Variants in AFF1 observed in about 807,000 individuals in gnomAD.
AFF1 encodes ALF transcription elongation factor 1.
A neutral mutation model predicts 121.7 loss-of-function variants in AFF1; 48 were observed. The ratio of observed to expected loss-of-function variants is 0.39; its 90% CI spans 0.31 to 0.50. The LOEUF (loss-of-function observed/expected upper bound fraction) is 0.50. AFF1 is among the 20% of genes least tolerant of loss of function. The pLI is 0.76. For missense variants in AFF1, 1,523 were observed against 1,511.7 expected, an observed-to-expected ratio of 1.01 and a Z score of -0.12; for synonymous variants, 613 against 563.0, an observed-to-expected ratio of 1.09 and a Z score of -1.26.
At chr4:87,080,314 C>T (rs180973013) in intron 4 of AFF1, among the ~76,000 whole-genome samples, 39 of 152,320 alleles carry the variant, frequency 2.6e-4, no homozygotes, top group African/African-American at 8.4e-4. Flanking sequence ...TTTCTTGATT[C>T]ATGCAACTAT....
rs1291933660 is a variant in AFF1 at position 87,105,618 on chromosome 4, C to T, written c.1284-10C>T. The T allele has an allele frequency of 6.2e-7, 1 of 1,614,126 alleles. No homozygotes were observed. The highest frequency in any genetic ancestry group is 2.2e-5 in the East Asian group (1 of 44,892). ...ACATTCATTCTTCTCTGTGTCCCTGCCCATTCCAGCATGCTCGAAGACGAC... is the reference window on the plus strand; with the variant it reads ...ACATTCATTCTTCTCTGTGTCCCTGTCCATTCCAGCATGCTCGAAGACGAC... On this transcript the variant is annotated splice_polypyrimidine_tract_variant and intron_variant, in intron 8 of 20. Coordinates refer to ENST00000395146, the MANE Select transcript of AFF1 (RefSeq NM_001166693.3).
intron 6 of AFF1, among the ~76,000 whole-genome samples, 191 bp downstream of exon 6, chr4:87,090,261 A>G (rs1724168927): frequency 6.6e-6 from 1 of 152,212 alleles, no homozygotes; most frequent in African/African-American, 2.4e-5. Flanking sequence ...AACATCCTAG[A>G]TTTTCATAAA....
At chr4:86,950,003 G>A (rs928712420) in intron 2 of AFF1, 29 of 1,613,944 alleles carry the variant, frequency 1.8e-5, no homozygotes, top group Admixed American at 3.3e-5. Flanking sequence ...GATGGCGAGC[G>A]CCAGTTTCAC....
intron 4 of AFF1, among the ~76,000 whole-genome samples, chr4:87,070,669 G>A (rs1017785651): frequency 1.3e-5 from 2 of 152,210 alleles, no homozygotes; most frequent in Non-Finnish European, 2.9e-5. Flanking sequence ...TTTAAAAGAT[G>A]GTGGGTGCTT....
chr4:87,001,461 C>A lies in AFF1; in HGVS notation c.39-44705C>A, dbSNP rs550174570. On this transcript the variant is annotated intron_variant, in intron 2 of 20. Coordinates refer to ENST00000395146, the MANE Select transcript of AFF1 (RefSeq NM_001166693.3). ...TGGATCTCCTGACCTCGTGATCCAC[C>A]CGCCTCGGCCTCCCAAGGTGTCGGG... 2.6e-3 allele frequency among the ~76,000 whole-genome samples: 403 copies of A among 152,166 alleles called. 1 individual carries two copies. Among genetic ancestry groups the A allele is most frequent in the African/African-American group, 9.5e-3 (395 of 41,522 alleles).
chr4:86,942,313 C>G (rs1171402497), intron 1 of AFF1, among the ~76,000 whole-genome samples: 1 of 152,224 alleles, frequency 6.6e-6, no homozygotes, highest in African/African-American at 2.4e-5. Context: ...TATCCATGTG[C>G]TTTTCTGTGT....
intron 12 of AFF1, among the ~76,000 whole-genome samples, chr4:87,123,052 C>G (rs1727872627): frequency 6.6e-6 from 1 of 152,072 alleles, no homozygotes; most frequent in Admixed American, 6.5e-5. Flanking sequence ...CACCACCACA[C>G]TCGACTAATT....
At chr4:87,063,124 C>T (rs563935314) in intron 4 of AFF1, among the ~76,000 whole-genome samples, 16 of 149,702 alleles carry the variant, frequency 1.1e-4, no homozygotes, top group Middle Eastern at 3.5e-3. Flanking sequence ...ACCTTTATAT[C>T]GATGTCTGGC....
At chr4:86,993,330 C>G (rs1724875083) in intron 2 of AFF1, among the ~76,000 whole-genome samples, 1 of 152,188 alleles carries the variant, frequency 6.6e-6, no homozygotes, top group South Asian at 2.1e-4. Context: ...ATTTACTGAT[C>G]ATTGTGGCTT....
chr4:87,001,839 C>G (rs1725751464), intron 2 of AFF1, among the ~76,000 whole-genome samples: 1 of 152,202 alleles, frequency 6.6e-6, no homozygotes. Context: ...CTCCCTCTTC[C>G]TGTGTCTGCT....
intron 2 of AFF1, among the ~76,000 whole-genome samples, chr4:86,949,253 C>T (rs1721093453): frequency 6.7e-6 from 1 of 148,846 alleles, no homozygotes. Context: ...CAGTTCACTG[C>T]AGCCTCCACC....
chr4:87,009,483 G>T (rs1216733541), intron 2 of AFF1, among the ~76,000 whole-genome samples: 3 of 152,176 alleles, frequency 2.0e-5, no homozygotes, highest in Non-Finnish European at 4.4e-5. Context: ...AATTAAAATA[G>T]GAGAATTGTG....
chr4:87,075,945 A>G (rs553600184), intron 4 of AFF1, among the ~76,000 whole-genome samples: 1 of 152,360 alleles, frequency 6.6e-6, no homozygotes, highest in East Asian at 1.9e-4. Flanking sequence ...TTTTATAAAT[A>G]TTAAATGAGT....
chr4:87,046,550 G>A (rs1200937111), intron 3 of AFF1, 145 bp from the exon 4 acceptor site: 2 of 973,248 alleles, frequency 2.1e-6, no homozygotes, highest in Non-Finnish European at 3.0e-6. Flanking sequence ...TCTCAACAGG[G>A]GAATTGAGTT....
At position 87,051,332 on chromosome 4, in the gene AFF1, T is replaced by C. The variant is rs1731232709; in HGVS notation, c.1059+3738T>C. On this transcript the variant is annotated intron_variant, in intron 4 of 20. Coordinates refer to ENST00000395146, the MANE Select transcript of AFF1 (RefSeq NM_001166693.3). Reference sequence around the variant, plus strand: ...CCAGACCGAACCTACAGCAGAGCCATGGAGGATACAGTGAGTTTCATTTCC... The same window carrying C: ...CCAGACCGAACCTACAGCAGAGCCACGGAGGATACAGTGAGTTTCATTTCC... Among the ~76,000 whole-genome samples, 5 of 152,146 alleles carry C rather than the reference T, an allele frequency of 3.3e-5. No individual in the cohort carries two copies. The South Asian group carries it at 1.0e-3, about 32-fold the overall frequency.
chr4:87,042,385 G>A (rs1262583690), intron 2 of AFF1, among the ~76,000 whole-genome samples: 3 of 152,176 alleles, frequency 2.0e-5, no homozygotes, highest in Non-Finnish European at 4.4e-5. Flanking sequence ...CAGAGCAGGG[G>A]CTCAAAGCCT....
intron 2 of AFF1, among the ~76,000 whole-genome samples, chr4:86,952,296 A>G (rs1721407811): frequency 6.6e-6 from 1 of 152,182 alleles, no homozygotes; most frequent in African/African-American, 2.4e-5. Flanking sequence ...TAGGCTATTA[A>G]AACGTCTTCC....
intron 2 of AFF1, among the ~76,000 whole-genome samples, chr4:86,964,435 CT>C (rs567637293): frequency 0.22 from 28,570 of 127,310 alleles, 2,998 homozygotes; most frequent in African/African-American, 0.28. Flanking sequence ...TTCTATACAT[CT>C]TTTTTTTTTT....
intron 2 of AFF1, among the ~76,000 whole-genome samples, chr4:87,005,815 A>AAT (rs138392625): frequency 0.039 from 5,889 of 152,312 alleles, 191 homozygotes; most frequent in African/African-American, 0.092. Context: ...CTTAAAAAAA[A>AAT]ATAACGTGTG....
Sources: gnomAD v4.1 joint callset for allele counts (sites outside exome capture counted in the v4.1 genomes callset) on GRCh38, gnomAD v4.1.1 for gene constraint, MANE v1.5 for transcripts, NCBI Gene and HGNC (gene_info 2026-07-23, HGNC 2026-07-21) for gene names.